ATM: variants seen among roughly 807,000 people sequenced by gnomAD.
The protein encoded by ATM is ATM serine/threonine kinase.
Under a neutral mutation model 387.0 loss-of-function variants are expected in ATM, and 308 were observed. That is an observed-to-expected ratio of 0.80 (90% CI 0.73 to 0.87). ATM has a LOEUF of 0.87. Ranked by LOEUF, ATM falls within the 40% of genes least tolerant of loss-of-function variation. ATM has a pLI of 0.00. For synonymous variants in ATM, 1,156 were observed against 1,187.3 expected (o/e 0.97, Z 0.54); for missense variants, 3,312 against 3,560.9 (o/e 0.93, Z 1.78).
chr11:108,229,324 G>A lies in ATM; in HGVS notation c.331+1G>A, dbSNP rs1555055356. On this transcript the variant is annotated splice_donor_variant, in intron 4 of 62. Coordinates refer to ENST00000675843, the MANE Select transcript of ATM (RefSeq NM_000051.4). LOFTEE classifies it high-confidence loss of function. ...TACTTCATCAAATGTGCAAACAGAA[G>A]TAAGTGATGTTATAAATTATAAATA... The A allele has an allele frequency of 6.2e-7, 1 of 1,605,522 alleles. No individual in the cohort carries two copies. The highest frequency in any genetic ancestry group is 8.5e-7 in the Non-Finnish European group (1 of 1,175,192).
At chr11:108,363,429 T>TA (rs2091019129) in intron 61 of ATM, among the ~76,000 whole-genome samples, 1 of 152,214 alleles carries the variant, frequency 6.6e-6, no homozygotes, top group Non-Finnish European at 1.5e-5. Context: ...TTTTATGTGT[T>TA]ATGCTAAGGA....
chr11:108,237,904 T>C (rs2079365575), intron 5 of ATM, among the ~76,000 whole-genome samples: 1 of 34,352 alleles, frequency 2.9e-5, no homozygotes, highest in Non-Finnish European at 7.6e-5. Context: ...CTTAGGTTTT[T>C]TTTTTTTTTT....
intron 8 of ATM, among the ~76,000 whole-genome samples, chr11:108,248,267 TTCAC>T (rs1425261354): frequency 6.6e-6 from 1 of 152,186 alleles, no homozygotes; most frequent in African/African-American, 2.4e-5. Context: ...GAGTAGTAAT[TTCAC>T]TCTGTCAAAT....
chr11:108,226,894 T>C (rs990037221), intron 1 of ATM: 2 of 152,218 alleles, frequency 1.3e-5, no homozygotes, highest in African/African-American at 4.8e-5. Flanking sequence ...AAATAGTTCA[T>C]TGTCAATGTT....
At chr11:108,344,241 C>T (rs2087991486) in intron 57 of ATM, among the ~76,000 whole-genome samples, 1 of 152,040 alleles carries the variant, frequency 6.6e-6, no homozygotes, top group Admixed American at 6.6e-5. Context: ...CTTAGTTCTG[C>T]CTGGGGTGGG....
At chr11:108,284,616 C>T (rs1376596265) in intron 26 of ATM, 143 bp downstream of exon 26, 5 of 1,162,042 alleles carry the variant, frequency 4.3e-6, no homozygotes, top group Non-Finnish European at 4.8e-6. Context: ...ATAGCCAACC[C>T]ATGAATTTTT....
chr11:108,244,453 A>G (rs1206523739), intron 6 of ATM, among the ~76,000 whole-genome samples: 2 of 152,164 alleles, frequency 1.3e-5, no homozygotes, highest in Non-Finnish European at 2.9e-5. Context: ...TTTTGGAAGT[A>G]TTACTGTTGT....
chr11:108,305,859 C>G (rs2083664656), intron 37 of ATM, among the ~76,000 whole-genome samples: 1 of 152,166 alleles, frequency 6.6e-6, no homozygotes, highest in South Asian at 2.1e-4. Flanking sequence ...ATTCACAGAT[C>G]TTTATTGTTA....
At chr11:108,339,122 T>C (rs537620658) in intron 56 of ATM, among the ~76,000 whole-genome samples, 1 of 152,320 alleles carries the variant, frequency 6.6e-6, no homozygotes, top group South Asian at 2.1e-4. Context: ...TTATTGTGTA[T>C]GTTGATAGCT....
At chr11:108,313,174 CT>C (rs1388059803) in intron 40 of ATM, among the ~76,000 whole-genome samples, 1 of 152,190 alleles carries the variant, frequency 6.6e-6, no homozygotes, top group Non-Finnish European at 1.5e-5. Flanking sequence ...GAGACTAATT[CT>C]TCCTGTGCTT....
At chr11:108,315,797 A>G (rs1367285064) in intron 40 of ATM, 26 bp from the exon 41 acceptor site, 2 of 1,579,512 alleles carry the variant, frequency 1.3e-6, no homozygotes, top group East Asian at 2.2e-5. Context: ...TTCCTTCTTC[A>G]ATTTTTGTTG....
rs945977607 is a variant in ATM at position 108,366,783 on chromosome 11, T to G, written c.*1275T>G. On this transcript the variant is annotated 3_prime_UTR_variant, in exon 63 of 63. Coordinates refer to ENST00000675843, the MANE Select transcript of ATM (RefSeq NM_000051.4). ...AATATTTGATTGATGCCTTTTTCACTGAGAGTATAAGCTTCCATGTGTCCC... is the reference window on the plus strand; with the variant it reads ...AATATTTGATTGATGCCTTTTTCACGGAGAGTATAAGCTTCCATGTGTCCC... 8.7e-6 allele frequency: 2 copies of G among 230,470 alleles called. No homozygotes were observed. Among genetic ancestry groups the G allele is most frequent in the African/African-American group, 2.2e-5 (1 of 45,208 alleles). 14.3% of individuals were successfully genotyped at this position (230,470 alleles called of 1,614,324 possible).
intron 23 of ATM, among the ~76,000 whole-genome samples, chr11:108,280,255 T>C (rs1339926721): frequency 2.0e-5 from 3 of 152,140 alleles, no homozygotes; most frequent in Non-Finnish European, 2.9e-5. Context: ...TAATGTATAT[T>C]ATACATTTTA....
intron 26 of ATM, among the ~76,000 whole-genome samples, chr11:108,286,509 T>C (rs1411976698): frequency 6.6e-6 from 1 of 152,070 alleles, no homozygotes; most frequent in Non-Finnish European, 1.5e-5. Flanking sequence ...GGTTTTCCAT[T>C]GGTTACTTGG....
intron 43 of ATM, 131 bp downstream of exon 43, chr11:108,317,652 T>TATATACAC (rs1399501257): frequency 1.4e-4 from 16 of 118,374 alleles, no homozygotes; most frequent in African/African-American, 3.5e-4. Flanking sequence ...TATATATATA[T>TATATACAC]ACACACACAC....
chr11:108,254,507 G>A lies in ATM; in HGVS notation c.2124+468G>A, dbSNP rs938198358. On this transcript the variant is annotated intron_variant, in intron 13 of 62. Transcript: ENST00000675843. Reference sequence around the variant, plus strand: ...GAATTTCCTTTAGCCTCAAAATCACGAGTTCTCTTCATGTATACTATTCTC... The same window carrying A: ...GAATTTCCTTTAGCCTCAAAATCACAAGTTCTCTTCATGTATACTATTCTC... 3.3e-5 allele frequency among the ~76,000 whole-genome samples: 5 copies of A among 152,122 alleles called. 1 individual carries two copies. The highest frequency in any genetic ancestry group is 2.0e-4 in the Admixed American group (3 of 15,274).
In ATM at chr11:108,295,041, A is replaced by C; in HGVS notation, c.4891A>C (p.Ile1631Leu). 6.2e-7 allele frequency: 1 copy of C among 1,613,960 alleles called. No individual in the cohort carries two copies. The highest frequency in any genetic ancestry group is 1.1e-5 in the South Asian group (1 of 91,086). ...LELHKDQMVD[I>L]MRASQDNPQD... The stretch of plus-strand genomic sequence containing the variant: ...ACTACATAAAGATCAGATGGTGGAC[A>C]TTATGAGAGCTTCTCAGGGTGCTAA... Residue 1631 changes from isoleucine (I) to leucine (L), a missense_variant, in exon 32 of 63, where the codon ATT becomes CTT. By Grantham distance (5) the Ile-to-Leu change is conservative. Coordinates refer to ENST00000675843, the MANE Select transcript of ATM (RefSeq NM_000051.4).
At position 108,248,999 on chromosome 11, in the gene ATM, A is replaced by G. The variant is rs587779811; in HGVS notation, c.1132A>G (p.Ser378Gly). The change falls in exon 9 of 63, where the codon AGT becomes GGT. Residue 378 changes from serine (S) to glycine (G), a missense_variant. Ser to Gly is a moderately conservative substitution (Grantham distance 56). Transcript: ENST00000675843. ...QSYTTTQRESSDYSVPCKRKK... is the reference protein window; with the variant it reads ...QSYTTTQRESGDYSVPCKRKK... ...TTACACTACTACACAAAGAGAATCT[A>G]GTGATTACAGTGTCCCTTGCAAAAG... is the stretch of plus-strand genomic sequence containing the variant. 2.4e-5 allele frequency: 38 copies of G among 1,613,032 alleles called. No homozygotes were observed. Among genetic ancestry groups the G allele is most frequent in the Non-Finnish European group, 3.2e-5 (38 of 1,179,114 alleles).
chr11:108,315,065 A>AGAG (rs1228886481), intron 40 of ATM, among the ~76,000 whole-genome samples: 1 of 152,234 alleles, frequency 6.6e-6, no homozygotes, highest in Non-Finnish European at 1.5e-5. Flanking sequence ...CAAGGCTTAT[A>AGAG]GTATTGCAGT....
Sources: allele counts gnomAD v4.1 joint callset (sites outside exome capture counted in the v4.1 genomes callset), GRCh38; gene constraint gnomAD v4.1.1; transcripts MANE v1.5; gene names NCBI Gene and HGNC (gene_info 2026-07-23, HGNC 2026-07-21).